Variants in BRINP2 observed in about 807,000 individuals in gnomAD.
BRINP2 encodes the protein BMP/retinoic acid-inducible neural-specific protein 2.
Under a neutral mutation model 69.2 loss-of-function variants are expected in BRINP2, and 21 were observed. The ratio of observed to expected loss-of-function variants is 0.30; its 90% CI spans 0.22 to 0.44. The LOEUF (loss-of-function observed/expected upper bound fraction) is 0.44. BRINP2 is among the 20% of genes least tolerant of loss of function. The probability of loss-of-function intolerance (pLI) is 1.00; values close to 1 mark genes in which losing one functional copy is unlikely to be tolerated. For missense variants in BRINP2, 877 were observed against 986.0 expected (o/e 0.89, Z 1.48); for synonymous variants, 380 against 394.1 (o/e 0.96, Z 0.42).
chr1:177,280,767 T>C lies in BRINP2; in HGVS notation c.1591T>C (p.Phe531Leu). ...QDSRIEVHSI[F>L]ISNDMRLGSW... is the part of the protein sequence containing the mutation. Reference sequence around the variant, plus strand: ...TAGCCGCATTGAGGTACACTCCATCTTCATCAGCAATGACATGCGGCTGGG... The same window carrying C: ...TAGCCGCATTGAGGTACACTCCATCCTCATCAGCAATGACATGCGGCTGGG... Residue 531 changes from phenylalanine (F) to leucine (L), a missense_variant, in exon 8 of 8, where the codon TTC (phenylalanine) becomes CTC (leucine). Transcript: ENST00000361539. 5 of 1,614,186 alleles carry C rather than the reference T, an allele frequency of 3.1e-6. No homozygotes were observed. Among genetic ancestry groups the C allele is most frequent in the Non-Finnish European group, 4.2e-6 (5 of 1,180,032 alleles).
intron 1 of BRINP2, among the ~76,000 whole-genome samples, chr1:177,186,280 T>G (rs1648422116): frequency 6.6e-6 from 1 of 152,138 alleles, no homozygotes; most frequent in Non-Finnish European, 1.5e-5. Flanking sequence ...TTTTGGCCTC[T>G]GGCAAGTTGC....
intron 2 of BRINP2, among the ~76,000 whole-genome samples, chr1:177,249,681 A>T (rs1314398909): frequency 1.3e-5 from 2 of 152,006 alleles, no homozygotes; most frequent in Admixed American, 6.6e-5. Flanking sequence ...TTCTTAGTTT[A>T]AAAAAAAGAG....
intron 1 of BRINP2, among the ~76,000 whole-genome samples, chr1:177,191,897 C>G (rs1648607080): frequency 6.6e-6 from 1 of 152,168 alleles, no homozygotes; most frequent in Non-Finnish European, 1.5e-5. Flanking sequence ...CAATGAATCA[C>G]CTTTACAAAG....
intron 1 of BRINP2, among the ~76,000 whole-genome samples, chr1:177,178,239 C>A (rs1238916721): frequency 1.3e-5 from 2 of 152,204 alleles, no homozygotes; most frequent in East Asian, 3.9e-4. Context: ...TCCCTGCAGC[C>A]AGGATGATCT....
In BRINP2 at chr1:177,281,719, TAC is replaced by T. The variant is rs113470314; in HGVS notation, c.*210_*211del. 0.017 allele frequency: 8,754 copies of T among 526,286 alleles called. 2 individuals are homozygous for T. The highest frequency in any genetic ancestry group is 0.02 in the East Asian group (595 of 30,178). 32.6% of individuals were successfully genotyped at this position (526,286 alleles called of 1,614,324 possible). A position where few individuals can be genotyped will look rare whatever the true frequency, so the allele number is the denominator to read the frequency against. ...GCTACTGCGTGCGTGCGCGCACGCATACACACACACACACACACACTGGCACA... is the reference window on the plus strand; with the variant it reads ...GCTACTGCGTGCGTGCGCGCACGCATACACACACACACACACACTGGCACA... On this transcript the variant is annotated 3_prime_UTR_variant, in exon 8 of 8. Coordinates refer to ENST00000361539, the MANE Select transcript of BRINP2 (RefSeq NM_021165.4).
chr1:177,251,680 C>A (rs1347485833), intron 2 of BRINP2, among the ~76,000 whole-genome samples: 1 of 152,052 alleles, frequency 6.6e-6, no homozygotes. Context: ...AACCACTTAC[C>A]CTTTCTGTTT....
Position 177,219,496 on chromosome 1 carries a change from T to C in BRINP2, c.-76-10305T>C, listed in dbSNP as rs150273144. 5.9e-3 allele frequency among the ~76,000 whole-genome samples: 894 copies of C among 152,368 alleles called. 2 individuals are homozygous for C. The highest frequency in any genetic ancestry group is 0.027 in the Middle Eastern group (8 of 294). On this transcript the variant is annotated intron_variant, in intron 1 of 7. Coordinates refer to ENST00000361539, the MANE Select transcript of BRINP2 (RefSeq NM_021165.4). ...GCTAGAGTTTGTGATGTAGCATCTA[T>C]ATTTAATTCCACAAGCTGTCAGGCA...
intron 1 of BRINP2, among the ~76,000 whole-genome samples, chr1:177,204,132 T>C (rs1649000513): frequency 6.6e-6 from 1 of 152,180 alleles, no homozygotes; most frequent in African/African-American, 2.4e-5. Context: ...TCCTACGTTA[T>C]AAGAACCACA....
intron 2 of BRINP2, among the ~76,000 whole-genome samples, chr1:177,255,682 T>C (rs1157921624): frequency 6.6e-6 from 1 of 152,252 alleles, no homozygotes; most frequent in South Asian, 2.1e-4. Flanking sequence ...GAAAGTTGGC[T>C]GGGAGAGGCT....
At chr1:177,279,647 A>G (rs1189789920) in intron 7 of BRINP2, among the ~76,000 whole-genome samples, 4 of 152,222 alleles carry the variant, frequency 2.6e-5, no homozygotes, top group Admixed American at 1.3e-4. Context: ...AGAGGAGTTC[A>G]TTTATTCTTC....
In BRINP2 at chr1:177,197,347, T is replaced by C. The variant is rs183658416; in HGVS notation, c.-77+25615T>C. On this transcript the variant is annotated intron_variant, in intron 1 of 7. Transcript: ENST00000361539. ...ATCATGAGAACAGCACCAAAGGGAG[T>C]TAAACCATTGATGAAGGAGCCGCCT... Among the ~76,000 whole-genome samples, 185 of 151,710 alleles carry C rather than the reference T, an allele frequency of 1.2e-3. 1 individual carries two copies. The highest frequency in any genetic ancestry group is 4.0e-3 in the African/African-American group (166 of 41,302).
In BRINP2 at chr1:177,281,511, G is replaced by A. The variant is rs370209121; in HGVS notation, c.2335G>A (p.Gly779Ser). 3.2e-5 allele frequency: 52 copies of A among 1,605,022 alleles called. No homozygotes were observed. The highest frequency in any genetic ancestry group is 3.7e-5 in the Non-Finnish European group (44 of 1,178,272). The change falls in exon 8 of 8, where the codon GGC (glycine) becomes AGC (serine). Residue 779 changes from glycine to serine, a missense_variant. By Grantham distance (56) the Gly-to-Ser change is moderately conservative. Coordinates refer to ENST00000361539, the MANE Select transcript of BRINP2 (RefSeq NM_021165.4). Reference protein sequence around the residue: ...KLPNPVEYETGKLCS With the variant: ...KLPNPVEYETSKLCS ...GCCAAACCCTGTGGAATATGAGACC[G>A]GCAAACTCTGTAGCTAATGGGCGGC...
At chr1:177,243,495 T>C (rs532812831) in intron 2 of BRINP2, among the ~76,000 whole-genome samples, 37 of 152,188 alleles carry the variant, frequency 2.4e-4, no homozygotes, top group African/African-American at 8.4e-4. Flanking sequence ...CATACAGGTT[T>C]GTTGCTGAGC....
rs555707700 is a variant in BRINP2, at chr1:177,272,188, CTG to C, written c.670-1299_670-1298del. On this transcript the variant is annotated intron_variant, in intron 4 of 7. Coordinates refer to ENST00000361539, the MANE Select transcript of BRINP2 (RefSeq NM_021165.4). ...GGAACCAACACAGATGGTGCCTCTT[CTG>C]CTACTTCCTCTCTTGTTTCCCTTTG... is the stretch of plus-strand genomic sequence containing the variant. 6.1e-3 allele frequency among the ~76,000 whole-genome samples: 934 copies of C among 152,334 alleles called. 5 individuals are homozygous for C. Among genetic ancestry groups the C allele is most frequent in the Non-Finnish European group, 0.011 (748 of 68,036 alleles).
chr1:177,278,726 G>A lies in BRINP2; in HGVS notation c.1176G>A (p.Arg392=). 2 of 1,614,170 alleles carry A rather than the reference G, an allele frequency of 1.2e-6. No homozygotes were observed. Among genetic ancestry groups the A allele is most frequent in the Non-Finnish European group, 1.7e-6 (2 of 1,180,052 alleles). The change falls in exon 7 of 8, where the codon CGG becomes CGA. Residue 392 remains arginine, a synonymous_variant. Coordinates refer to ENST00000361539, the MANE Select transcript of BRINP2 (RefSeq NM_021165.4). ...LFKKTHRILR[R]LFNLCKRCHR... is the part of the protein sequence containing the mutation. ...AAAAGACCCATCGGATCCTACGCCG[G>A]CTCTTCAACCTCTGCAAGCGCTGCC...
In BRINP2 at chr1:177,202,295, C is replaced by T. The variant is rs573452067; in HGVS notation, c.-76-27506C>T. On this transcript the variant is annotated intron_variant, in intron 1 of 7. Coordinates refer to ENST00000361539, the MANE Select transcript of BRINP2 (RefSeq NM_021165.4). ...TCTAGTTCTTTTAATTGTGATGTTA[C>T]GGTGTCAATTTTAGATCTTTCCTGC... 2.4e-3 allele frequency among the ~76,000 whole-genome samples: 369 copies of T among 151,654 alleles called. 3 individuals carry two copies. Among genetic ancestry groups the T allele is most frequent in the African/African-American group, 8.4e-3 (348 of 41,350 alleles).
chr1:177,249,594 T>C (rs1650516550), intron 2 of BRINP2, among the ~76,000 whole-genome samples: 1 of 152,228 alleles, frequency 6.6e-6, no homozygotes, highest in South Asian at 2.1e-4. Context: ...ATTTACTTGA[T>C]ATCTTAATTG....
chr1:177,248,328 T>C (rs529288948), intron 2 of BRINP2, among the ~76,000 whole-genome samples: 13 of 152,246 alleles, frequency 8.5e-5, no homozygotes, highest in African/African-American at 3.1e-4. Context: ...TTGAGAATCA[T>C]GTTGATGCTC....
At chr1:177,192,712 C>T (rs1249517286) in intron 1 of BRINP2, among the ~76,000 whole-genome samples, 1 of 152,190 alleles carries the variant, frequency 6.6e-6, no homozygotes, top group African/African-American at 2.4e-5. Flanking sequence ...AGAAATGTAA[C>T]TCTCAGAACA....
Sources: allele counts gnomAD v4.1 joint callset (sites outside exome capture counted in the v4.1 genomes callset), GRCh38; gene constraint gnomAD v4.1.1; transcripts MANE v1.5; gene names NCBI Gene and HGNC (gene_info 2026-07-23, HGNC 2026-07-21).